The following ACTR6 variants were observed in gnomAD, a reference collection of about 807,000 sequenced individuals.
The protein encoded by ACTR6 is actin related protein 6, also known as actin-related protein 6.
A neutral mutation model predicts 52.5 loss-of-function variants in ACTR6; 50 were observed. That is an observed-to-expected ratio of 0.95 (90% CI 0.76 to 1.20). ACTR6 has a LOEUF of 1.20. Among genes scored for constraint, ACTR6 ranks in the 50% most tolerant of loss-of-function variants. The probability of loss-of-function intolerance (pLI) is 0.00; values close to 1 mark genes in which losing one functional copy is unlikely to be tolerated. For missense variants in ACTR6, 344 were observed against 472.4 expected (o/e 0.73, Z 2.52); for synonymous variants, 135 against 147.2 (o/e 0.92, Z 0.60).
intron 10 of ACTR6, 114 bp from the exon 11 acceptor site, chr12:100,223,672 T>C: frequency 3.0e-6 from 4 of 1,347,924 alleles, no homozygotes; most frequent in Non-Finnish European, 4.1e-6. Context: ...TTGCCACATT[T>C]TAATGGCAAA....
chr12:100,205,093 T>G, intron 2 of ACTR6, 36 bp downstream of exon 2: 1 of 1,297,280 alleles, frequency 7.7e-7, no homozygotes, highest in Non-Finnish European at 1.1e-6. Flanking sequence ...TCTAGCATTG[T>G]AGACCTAAAT....
intron 1 of ACTR6, among the ~76,000 whole-genome samples, chr12:100,201,536 C>T (rs2096109673): frequency 6.6e-6 from 1 of 152,204 alleles, no homozygotes; most frequent in Non-Finnish European, 1.5e-5. Context: ...AAAATTCTTT[C>T]CTTCCTCCCT....
intron 3 of ACTR6, 56 bp from the exon 4 acceptor site, chr12:100,207,607 C>G: frequency 7.5e-7 from 1 of 1,338,146 alleles, no homozygotes; most frequent in Non-Finnish European, 1.0e-6. Context: ...ACATGTAAAA[C>G]AAGTGTTAAT....
intron 1 of ACTR6, chr12:100,203,894 C>T (rs1173583683): frequency 6.6e-6 from 1 of 152,274 alleles, no homozygotes; most frequent in African/African-American, 2.4e-5. Flanking sequence ...CGTGATCTGC[C>T]TGTCTCGGCC....
At chr12:100,204,772 A>C (rs1025276249) in intron 1 of ACTR6, among the ~76,000 whole-genome samples, 168 bp from the exon 2 acceptor site, 2 of 152,344 alleles carry the variant, frequency 1.3e-5, no homozygotes, top group Non-Finnish European at 2.9e-5. Flanking sequence ...GATTATAGGC[A>C]TGAGCCCCCA....
rs1472793115 is a variant in ACTR6, at chr12:100,218,264, C to T, written c.751-151C>T. The T allele has an allele frequency of 1.1e-5, 5 of 436,686 alleles. No individual in the cohort carries two copies. Among genetic ancestry groups the T allele is most frequent in the Non-Finnish European group, 1.8e-5 (5 of 284,786 alleles). The allele number at this position is 436,686 out of a possible 1,614,324, so 27.1% of individuals were successfully genotyped here. A position where few individuals can be genotyped will look rare whatever the true frequency, so the allele number is the denominator to read the frequency against. ...TTTGGCAACAGTAAAGGCAGCCACA[C>T]ATTCTTCTAAATTTTGAGAATCCTG... On this transcript the variant is annotated intron_variant, in intron 8 of 10. Transcript: ENST00000188312. The surrounding 1 kb of genome is among the most constrained non-coding windows in gnomAD (Gnocchi z 4.2).
At chr12:100,213,073 T>C (rs1369509750) in intron 8 of ACTR6, among the ~76,000 whole-genome samples, 1 of 148,624 alleles carries the variant, frequency 6.7e-6, no homozygotes, top group Non-Finnish European at 1.5e-5. Context: ...AGAGAGTTGC[T>C]TTTCTTTTGT....
intron 1 of ACTR6, among the ~76,000 whole-genome samples, chr12:100,201,777 A>G (rs187459737): frequency 2.6e-4 from 39 of 151,730 alleles, no homozygotes; most frequent in Admixed American, 5.3e-4. Context: ...GTGCACCACC[A>G]CTCCCAGCGA....
intron 9 of ACTR6, among the ~76,000 whole-genome samples, chr12:100,219,781 T>C (rs1299725985): frequency 6.6e-6 from 1 of 152,216 alleles, no homozygotes; most frequent in East Asian, 1.9e-4. Context: ...CTTAGGTTTT[T>C]CTTTTAAAGA....
In ACTR6 at chr12:100,212,281, CAT is replaced by C. The variant is rs760940737; in HGVS notation, c.599_600del (p.His200ArgfsTer3). ...YRQLHVMDET[H>X]VINQVKEDVC... ...GCAGCTACATGTTATGGATGAAACA[CAT>C]GTGATTAATCAAGTGAAAGAAGATG... On this transcript the variant is annotated frameshift_variant, in exon 7 of 11. Transcript: ENST00000188312. LOFTEE classifies it high-confidence loss of function. 60 of 1,610,344 alleles carry C rather than the reference CAT, an allele frequency of 3.7e-5. No homozygotes were observed. The highest frequency in any genetic ancestry group is 4.5e-5 in the East Asian group (2 of 44,802).
rs1243720546 is a variant in ACTR6 at position 100,218,116 on chromosome 12, AG to A, written c.751-297del. ...TGACCTCCCAAAGTGCTGGGATTAC[AG>A]GTGTGAGCCAGGGCACCTGGCCCTC... On this transcript the variant is annotated intron_variant, in intron 8 of 10. Transcript: ENST00000188312. This position sits in a 1 kb window ranked among gnomAD's most constrained non-coding sequence, Gnocchi z 4.2. Among the ~76,000 whole-genome samples the A allele has an allele frequency of 1.3e-5, 2 of 152,158 alleles. No individual in the cohort carries two copies. Among genetic ancestry groups the A allele is most frequent in the African/African-American group, 2.4e-5 (1 of 41,442 alleles).
Position 100,210,070 on chromosome 12 carries a change from T to C in ACTR6, c.380-3T>C. 1 of 1,569,552 alleles carries C rather than the reference T, an allele frequency of 6.4e-7. No individual in the cohort carries two copies. The highest frequency in any genetic ancestry group is 8.6e-7 in the Non-Finnish European group (1 of 1,166,978). The stretch of plus-strand genomic sequence containing the variant: ...GTTCACTTTTTTATCTTTTTTTAAA[T>C]AGCTGGGGCTCTCAGTGCACATAGG... On this transcript the variant is annotated splice_region_variant and splice_polypyrimidine_tract_variant and intron_variant, in intron 4 of 10. Coordinates refer to ENST00000188312, the MANE Select transcript of ACTR6 (RefSeq NM_022496.5).
Position 100,205,665 on chromosome 12 carries a change from A to G in ACTR6, c.187-11A>G. ...GTTCTTGATAATTAAATTTATAAAA[A>G]CATTTTTTAGGGCTACTTGGTGAAT... is the stretch of plus-strand genomic sequence containing the variant. On this transcript the variant is annotated splice_polypyrimidine_tract_variant and intron_variant, in intron 2 of 10. Transcript: ENST00000188312. 1 of 1,491,678 alleles carries G rather than the reference A, an allele frequency of 6.7e-7. No homozygotes were observed. Among genetic ancestry groups the G allele is most frequent in the South Asian group, 1.4e-5 (1 of 69,882 alleles). 92.4% of individuals were successfully genotyped at this position (1,491,678 alleles called of 1,614,324 possible).
chr12:100,205,720 C>A lies in ACTR6; in HGVS notation c.231C>A (p.Tyr77Ter). The change falls in exon 3 of 11, where the codon TAC becomes TAA. Residue 77 changes from tyrosine (Y) to a stop codon, truncating the protein, a stop_gained. Transcript: ENST00000188312. LOFTEE classifies it high-confidence loss of function. ...NWDVQRQVWD[Y>*]LFGKEMYQVD... is the part of the protein sequence containing the mutation. ...ATGTTCAGAGACAAGTTTGGGATTA[C>A]CTTTTTGGAAAAGAAATGTATCAGG... 1 of 1,516,194 alleles carries A rather than the reference C, an allele frequency of 6.6e-7. No individual in the cohort carries two copies. Among genetic ancestry groups the A allele is most frequent in the South Asian group, 1.4e-5 (1 of 69,656 alleles). The allele number at this position is 1,516,194 out of a possible 1,614,324, so 93.9% of individuals were successfully genotyped here.
chr12:100,203,098 A>G (rs908661555), intron 1 of ACTR6, among the ~76,000 whole-genome samples: 1 of 152,144 alleles, frequency 6.6e-6, no homozygotes, highest in Non-Finnish European at 1.5e-5. Context: ...TGAGAATCTA[A>G]TGCTATGGCT....
chr12:100,205,684 G>A lies in ACTR6; in HGVS notation c.195G>A (p.Leu65=). Residue 65 remains leucine, a synonymous_variant, in exon 3 of 11, where the codon TTG becomes TTA. Coordinates refer to ENST00000188312, the MANE Select transcript of ACTR6 (RefSeq NM_022496.5). ...ATAAAAACATTTTTTAGGGCTACTT[G>A]GTGAATTGGGATGTTCAGAGACAAG... The part of the protein sequence containing the change: ...FYILPFQKGY[L]VNWDVQRQVW... 6.6e-7 allele frequency: 1 copy of A among 1,512,130 alleles called. No individual in the cohort carries two copies. Among genetic ancestry groups the A allele is most frequent in the Non-Finnish European group, 8.8e-7 (1 of 1,133,320 alleles). The allele number at this position is 1,512,130 out of a possible 1,614,324, so 93.7% of individuals were successfully genotyped here.
chr12:100,205,183 A>T, intron 2 of ACTR6, 126 bp downstream of exon 2: 225 of 493,556 alleles, frequency 4.6e-4, no homozygotes, highest in East Asian at 6.1e-4. Context: ...CCAAATTAAA[A>T]TTTAATTGTT....
At chr12:100,214,463 T>G (rs2096122402) in intron 8 of ACTR6, among the ~76,000 whole-genome samples, 1 of 151,258 alleles carries the variant, frequency 6.6e-6, no homozygotes, top group Non-Finnish European at 1.5e-5. Context: ...TGGCTGTGTG[T>G]GGTGGCACAC....
intron 4 of ACTR6, 32 bp from the exon 5 acceptor site, chr12:100,210,041 T>C (rs2153900331): frequency 2.6e-6 from 4 of 1,549,306 alleles, no homozygotes; most frequent in Non-Finnish European, 3.5e-6. Context: ...AGTGTTATAT[T>C]TTTGTTCACT....
Sources: allele counts gnomAD v4.1 joint callset (sites outside exome capture counted in the v4.1 genomes callset), GRCh38; gene constraint gnomAD v4.1.1; non-coding constraint Gnocchi (gnomAD v3.1); transcripts MANE v1.5; gene names NCBI Gene and HGNC (gene_info 2026-07-23, HGNC 2026-07-21).